HCRTR2: variants seen among roughly 807,000 people sequenced by gnomAD.
HCRTR2 encodes the protein hypocretin receptor 2.
Under a neutral mutation model 49.0 loss-of-function variants are expected in HCRTR2, and 22 were observed. That is an observed-to-expected ratio of 0.45 (90% CI 0.32 to 0.64). The LOEUF is 0.64. Among genes scored for constraint, HCRTR2 ranks in the 30% least tolerant of loss-of-function variants. The pLI is 0.04. For synonymous variants in HCRTR2, 236 were observed against 205.3 expected, an observed-to-expected ratio of 1.15 and a Z score of -1.28; for missense variants, 491 against 559.4, an observed-to-expected ratio of 0.88 and a Z score of 1.23.
intron 1 of HCRTR2, among the ~76,000 whole-genome samples, chr6:55,204,490 G>A (rs1765566155): frequency 6.6e-6 from 1 of 151,966 alleles, no homozygotes; most frequent in African/African-American, 2.4e-5. Context: ...CTAATACTGG[G>A]GCAAAGAGTG....
chr6:55,277,269 C>A (rs1767093805), intron 4 of HCRTR2, 111 bp from the exon 5 acceptor site: 3 of 866,322 alleles, frequency 3.5e-6, no homozygotes. Flanking sequence ...CTCAAACCTC[C>A]CACACCTCAG....
chr6:55,212,964 A>G (rs996201573), intron 1 of HCRTR2, among the ~76,000 whole-genome samples: 2 of 152,180 alleles, frequency 1.3e-5, no homozygotes, highest in Admixed American at 6.6e-5. Flanking sequence ...ATAACTTCCA[A>G]TGCTCTTTCA....
At chr6:55,281,165 T>C (rs933734811) in intron 6 of HCRTR2, among the ~76,000 whole-genome samples, 1 of 152,164 alleles carries the variant, frequency 6.6e-6, no homozygotes, top group African/African-American at 2.4e-5. Context: ...AAATATATGG[T>C]GATTTTATGT....
At chr6:55,152,808 G>A (rs191450035) in intron 1 of HCRTR2, among the ~76,000 whole-genome samples, 10 of 152,038 alleles carry the variant, frequency 6.6e-5, no homozygotes, top group African/African-American at 2.2e-4. Context: ...AATTTTGAGA[G>A]GACACAAATA....
In HCRTR2 at chr6:55,236,355, A is replaced by G. The variant is rs553978443; in HGVS notation, c.224-12284A>G. 3.5e-3 allele frequency among the ~76,000 whole-genome samples: 526 copies of G among 152,056 alleles called. 3 individuals carry two copies. Among genetic ancestry groups the G allele is most frequent in the African/African-American group, 0.012 (493 of 41,542 alleles). ...ACATTATATTTTATATATCAATTTC[A>G]TGTGCTCTTATGTTACATATTGTTT... On this transcript the variant is annotated intron_variant, in intron 1 of 6. Transcript: ENST00000370862.
chr6:55,162,194 A>C (rs902423109), intron 1 of HCRTR2, among the ~76,000 whole-genome samples: 2 of 152,226 alleles, frequency 1.3e-5, no homozygotes, highest in African/African-American at 4.8e-5. Context: ...TACGAAAATC[A>C]ATAAATGTAA....
intron 1 of HCRTR2, among the ~76,000 whole-genome samples, chr6:55,162,719 G>C (rs575696845): frequency 1.3e-4 from 20 of 152,120 alleles, no homozygotes; most frequent in South Asian, 6.2e-4. Flanking sequence ...GCCAAATCAT[G>C]AGTGAACTCC....
In HCRTR2 at chr6:55,255,807, T is replaced by C. The variant is rs374554156; in HGVS notation, c.646+428T>C. Among the ~76,000 whole-genome samples the C allele has an allele frequency of 2.8e-4, 43 of 152,310 alleles. 1 individual carries two copies. The South Asian group carries it at 4.1e-3, about 15-fold the overall frequency. On this transcript the variant is annotated intron_variant, in intron 3 of 6. Transcript: ENST00000370862. The stretch of plus-strand genomic sequence containing the variant: ...GGGCTTCAAATACAACTGAATTTTT[T>C]CATTTTAAGACCATGTCCTGGATCA...
upstream of HCRTR2, among the ~76,000 whole-genome samples, chr6:55,170,241 A>T (rs940834728): frequency 1.3e-5 from 2 of 148,920 alleles, no homozygotes; most frequent in Admixed American, 1.3e-4. Flanking sequence ...CTTATACAAT[A>T]TATTTATTTT....
intron 1 of HCRTR2, among the ~76,000 whole-genome samples, chr6:55,168,272 A>G (rs1764904630): frequency 6.6e-6 from 1 of 152,200 alleles, no homozygotes; most frequent in African/African-American, 2.4e-5. Context: ...CTATAATTCT[A>G]CTTTTCAGTA....
chr6:55,260,296 A>T (rs1310074992), intron 3 of HCRTR2, among the ~76,000 whole-genome samples: 1 of 152,166 alleles, frequency 6.6e-6, no homozygotes, highest in East Asian at 1.9e-4. Flanking sequence ...AGCTCATGTG[A>T]CACCTCTTCA....
chr6:55,190,990 T>C (rs998322234), intron 1 of HCRTR2, among the ~76,000 whole-genome samples: 5 of 152,144 alleles, frequency 3.3e-5, no homozygotes, highest in African/African-American at 9.7e-5. Flanking sequence ...AAAAATTCTA[T>C]TGTACCAATG....
chr6:55,262,330 AT>A (rs1205322382), intron 3 of HCRTR2, among the ~76,000 whole-genome samples: 1 of 142,688 alleles, frequency 7.0e-6, no homozygotes, highest in Non-Finnish European at 1.5e-5. Flanking sequence ...TATATATTAT[AT>A]GTTATATATA....
intron 1 of HCRTR2, among the ~76,000 whole-genome samples, chr6:55,159,651 A>T (rs952843968): frequency 6.6e-6 from 1 of 152,250 alleles, no homozygotes; most frequent in African/African-American, 2.4e-5. Context: ...AAATGACCTG[A>T]TGGAGCTGAA....
At chr6:55,116,596 T>A (rs565334039) in intron 1 of HCRTR2, among the ~76,000 whole-genome samples, 15 of 150,992 alleles carry the variant, frequency 9.9e-5, no homozygotes, top group Non-Finnish European at 1.9e-4. Flanking sequence ...TTGAAATACC[T>A]AGAATACAAT....
At chr6:55,225,277 C>T (rs927491325) in intron 1 of HCRTR2, among the ~76,000 whole-genome samples, 8 of 152,070 alleles carry the variant, frequency 5.3e-5, no homozygotes, top group African/African-American at 1.7e-4. Flanking sequence ...CATACAAATA[C>T]CCAACTAGAA....
intron 1 of HCRTR2, among the ~76,000 whole-genome samples, chr6:55,168,894 A>G (rs1011971206): frequency 6.6e-6 from 1 of 152,078 alleles, no homozygotes; most frequent in African/African-American, 2.4e-5. Flanking sequence ...TAATCTCTCA[A>G]TGAGTGCTAA....
chr6:55,169,617 C>T (rs1764921044), upstream of HCRTR2, among the ~76,000 whole-genome samples: 1 of 152,020 alleles, frequency 6.6e-6, no homozygotes, highest in Non-Finnish European at 1.5e-5. Flanking sequence ...TATTTGGAGC[C>T]TAGAGGTGCC....
chr6:55,259,174 T>C (rs1034318756), intron 3 of HCRTR2, among the ~76,000 whole-genome samples: 2 of 152,038 alleles, frequency 1.3e-5, no homozygotes, highest in Non-Finnish European at 2.9e-5. Flanking sequence ...TGGAGATTAG[T>C]AGCATCTCTC....
Sources: allele counts gnomAD v4.1 joint callset (sites outside exome capture counted in the v4.1 genomes callset), GRCh38; gene constraint gnomAD v4.1.1; transcripts MANE v1.5; gene names NCBI Gene and HGNC (gene_info 2026-07-23, HGNC 2026-07-21).